CRIM1: variants seen among roughly 807,000 people sequenced by gnomAD.
CRIM1 encodes the protein cysteine rich transmembrane BMP regulator 1.
A neutral mutation model predicts 116.4 loss-of-function variants in CRIM1; 32 were observed. The observed-to-expected ratio is 0.27, with a 90% CI of 0.21 to 0.37. The LOEUF (loss-of-function observed/expected upper bound fraction) is 0.37. Ranked by LOEUF, CRIM1 falls within the 10% of genes least tolerant of loss-of-function variation. CRIM1 has a pLI of 1.00. For missense variants in CRIM1, 1,331 were observed against 1,354.8 expected (o/e 0.98, Z 0.28); for synonymous variants, 590 against 509.2 (o/e 1.16, Z -2.13).
chr2:36,358,929 T>C (rs1429266715), intron 1 of CRIM1, among the ~76,000 whole-genome samples: 1 of 152,198 alleles, frequency 6.6e-6, no homozygotes, highest in African/African-American at 2.4e-5. Flanking sequence ...ACAAGATTTA[T>C]GGAAAGCATG....
At chr2:36,501,937 C>T (rs529439003) in intron 8 of CRIM1, among the ~76,000 whole-genome samples, 52 of 152,256 alleles carry the variant, frequency 3.4e-4, no homozygotes, top group African/African-American at 1.3e-3. Flanking sequence ...AAATGGCCAA[C>T]CTTGTTTTTT....
intron 5 of CRIM1, among the ~76,000 whole-genome samples, chr2:36,465,563 G>T (rs1473593659): frequency 6.6e-6 from 1 of 152,138 alleles, no homozygotes; most frequent in African/African-American, 2.4e-5. Context: ...AGGCAAGAAA[G>T]GTTATGTTGC....
At chr2:36,456,230 C>T (rs989243553) in intron 4 of CRIM1, among the ~76,000 whole-genome samples, 1 of 152,098 alleles carries the variant, frequency 6.6e-6, no homozygotes, top group African/African-American at 2.4e-5. Flanking sequence ...AACTAAATTC[C>T]CTAAACTTAG....
Position 36,548,777 on chromosome 2 carries a change from G to A in CRIM1, c.*76G>A, listed in dbSNP as rs1667539694. ...CTCTAAAAAGTAAACTAGAATTTGT[G>A]CACTTGCTTAGTGGATTGTATTGGA... On this transcript the variant is annotated 3_prime_UTR_variant, in exon 17 of 17. Coordinates refer to ENST00000280527, the MANE Select transcript of CRIM1 (RefSeq NM_016441.3). The A allele has an allele frequency of 1.6e-6, 2 of 1,269,614 alleles. No individual in the cohort carries two copies. Among genetic ancestry groups the A allele is most frequent in the East Asian group, 4.8e-5 (2 of 41,714 alleles). The allele number at this position is 1,269,614 out of a possible 1,614,324, so 78.6% of individuals were successfully genotyped here. A position where few individuals can be genotyped will look rare whatever the true frequency, so the allele number is the denominator to read the frequency against.
At chr2:36,461,422 G>C (rs539284819) in intron 4 of CRIM1, among the ~76,000 whole-genome samples, 4 of 152,104 alleles carry the variant, frequency 2.6e-5, no homozygotes, top group African/African-American at 9.7e-5. Context: ...TGGTGAGGAC[G>C]GTACAGGTTG....
At chr2:36,525,147 G>A (rs773333958) in intron 13 of CRIM1, among the ~76,000 whole-genome samples, 2 of 152,070 alleles carry the variant, frequency 1.3e-5, no homozygotes, top group South Asian at 2.1e-4. Context: ...TTATTCACTC[G>A]TTCATCTTAA....
In CRIM1 at chr2:36,441,408, G is replaced by A. The variant is rs759802076; in HGVS notation, c.656G>A (p.Arg219His). 11 of 1,614,000 alleles carry A rather than the reference G, an allele frequency of 6.8e-6. No individual in the cohort carries two copies. Among genetic ancestry groups the A allele is most frequent in the East Asian group, 2.2e-5 (1 of 44,894 alleles). Residue 219 changes from arginine (R) to histidine (H), a missense_variant, in exon 3 of 17, where the codon CGC becomes CAC. Arg to His is a conservative substitution (Grantham distance 29, BLOSUM62 0). Coordinates refer to ENST00000280527, the MANE Select transcript of CRIM1 (RefSeq NM_016441.3). Reference protein sequence around the residue: ...RCVCNPAGCLRKVCQPGNLNI... With the variant: ...RCVCNPAGCLHKVCQPGNLNI... ...GTGTGCAACCCCGCAGGCTGTCTGC[G>A]CAAAGTCTGCCAGCCGGGAAACCTG...
chr2:36,431,301 CATA>C (rs1464580991), intron 2 of CRIM1, among the ~76,000 whole-genome samples: 1 of 151,906 alleles, frequency 6.6e-6, no homozygotes, highest in Non-Finnish European at 1.5e-5. Flanking sequence ...TTATATTTTA[CATA>C]ATATGAAAAA....
Position 36,548,754 on chromosome 2 carries a change from C to A in CRIM1, c.*53C>A. The stretch of plus-strand genomic sequence containing the variant: ...AAGACGGAAGACGACTAAATCTGCT[C>A]TAAAAAGTAAACTAGAATTTGTGCA... On this transcript the variant is annotated 3_prime_UTR_variant, in exon 17 of 17. Coordinates refer to ENST00000280527, the MANE Select transcript of CRIM1 (RefSeq NM_016441.3). 1 of 1,445,474 alleles carries A rather than the reference C, an allele frequency of 6.9e-7. No individual in the cohort carries two copies. Among genetic ancestry groups the A allele is most frequent in the South Asian group, 1.4e-5 (1 of 73,264 alleles). 89.5% of individuals were successfully genotyped at this position (1,445,474 alleles called of 1,614,324 possible).
At chr2:36,548,251 A>C (rs1003329115) in intron 16 of CRIM1, among the ~76,000 whole-genome samples, 9 of 149,286 alleles carry the variant, frequency 6.0e-5, no homozygotes, top group Non-Finnish European at 1.5e-5. Context: ...CAAGGATTTG[A>C]AATCATTTCA....
At chr2:36,396,391 A>AT (rs1398645889) in intron 1 of CRIM1, among the ~76,000 whole-genome samples, 1 of 152,204 alleles carries the variant, frequency 6.6e-6, no homozygotes, top group Non-Finnish European at 1.5e-5. Flanking sequence ...CTTTGTGCAT[A>AT]TAGCTATTTA....
At chr2:36,535,020 A>G (rs997549829) in intron 13 of CRIM1, among the ~76,000 whole-genome samples, 3 of 151,682 alleles carry the variant, frequency 2.0e-5, no homozygotes, top group African/African-American at 7.3e-5. Flanking sequence ...AATGTCCTCA[A>G]TGCAGTGTCC....
chr2:36,393,898 A>G (rs984449617), intron 1 of CRIM1, among the ~76,000 whole-genome samples: 1 of 152,236 alleles, frequency 6.6e-6, no homozygotes, highest in Admixed American at 6.5e-5. Flanking sequence ...GAAGAAGCTG[A>G]TATTCAGCAG....
chr2:36,396,338 T>G (rs1229224369), intron 1 of CRIM1, among the ~76,000 whole-genome samples: 1 of 152,256 alleles, frequency 6.6e-6, no homozygotes, highest in Non-Finnish European at 1.5e-5. Flanking sequence ...CAGTTGTTGT[T>G]GTAATAACAC....
At chr2:36,510,726 C>G (rs1664608059) in intron 9 of CRIM1, among the ~76,000 whole-genome samples, 1 of 152,052 alleles carries the variant, frequency 6.6e-6, no homozygotes, top group African/African-American at 2.4e-5. Flanking sequence ...CCATGAGAAT[C>G]TAGATTATTC....
chr2:36,543,973 T>C (rs1341803747), intron 14 of CRIM1, among the ~76,000 whole-genome samples: 1 of 152,188 alleles, frequency 6.6e-6, no homozygotes, highest in Non-Finnish European at 1.5e-5. Context: ...CAAGTTTTGC[T>C]AACATATTTT....
At chr2:36,357,060 G>C (rs1384248277) in intron 1 of CRIM1, among the ~76,000 whole-genome samples, 2 of 152,190 alleles carry the variant, frequency 1.3e-5, no homozygotes, top group Non-Finnish European at 1.5e-5. Flanking sequence ...CCGCACGCCG[G>C]CCGCGAAAGT....
rs1466602779 is a variant in CRIM1 at position 36,549,616 on chromosome 2, TAAG to T, written c.*921_*923del. 3 of 152,506 alleles carry T rather than the reference TAAG, an allele frequency of 2.0e-5. No individual in the cohort carries two copies. The highest frequency in any genetic ancestry group is 4.8e-5 in the African/African-American group (2 of 41,436). 9.4% of individuals were successfully genotyped at this position (152,506 alleles called of 1,614,324 possible). Reference sequence around the variant, plus strand: ...CATAGTTTTTGTTGAAGCTCTAGCTTAAGAAGAAACTTTTTTTAAAAAGACTGT... The same window carrying T: ...CATAGTTTTTGTTGAAGCTCTAGCTTAAGAAACTTTTTTTAAAAAGACTGT... On this transcript the variant is annotated 3_prime_UTR_variant, in exon 17 of 17. Coordinates refer to ENST00000280527, the MANE Select transcript of CRIM1 (RefSeq NM_016441.3).
At chr2:36,378,796 GT>G (rs147088912) in intron 1 of CRIM1, 1 of 126,918 alleles carries the variant, frequency 7.9e-6, no homozygotes, top group Non-Finnish European at 1.7e-5. Flanking sequence ...GAGTTTTTTT[GT>G]TGTTTTCGGT....
Sources: allele counts gnomAD v4.1 joint callset (sites outside exome capture counted in the v4.1 genomes callset), GRCh38; gene constraint gnomAD v4.1.1; transcripts MANE v1.5; gene names NCBI Gene and HGNC (gene_info 2026-07-23, HGNC 2026-07-21).